CHLSN: variants seen among roughly 807,000 people sequenced by gnomAD.
CHLSN encodes the protein cholesin.
At chr7:1,009,911 C>A in the CHLSN span, 6 of 1,479,168 alleles carry the variant, frequency 4.1e-6, no homozygotes, top group Non-Finnish European at 5.4e-6. Context: ...GGTTGAGACG[C>A]ACGTCCGGGA....
chr7:1,083,353 G>A, the CHLSN span, among the ~76,000 whole-genome samples: 4 of 152,160 alleles, frequency 2.6e-5, no homozygotes, highest in South Asian at 2.1e-4. Context: ...GGCCGGGCGC[G>A]GTGGCTCAAG....
chr7:1,090,114 T>C, the CHLSN span, among the ~76,000 whole-genome samples: 2 of 150,558 alleles, frequency 1.3e-5, no homozygotes, highest in South Asian at 2.1e-4. Context: ...TTTCAAAAGG[T>C]AAAATGAAAA....
the CHLSN span, among the ~76,000 whole-genome samples, chr7:1,001,007 G>A: frequency 5.0e-4 from 76 of 152,318 alleles, no homozygotes; most frequent in African/African-American, 1.8e-3. Flanking sequence ...GCCTGGGGAC[G>A]AGCAGCTCCC....
the CHLSN span, chr7:1,092,188 G>A: frequency 6.2e-6 from 10 of 1,613,086 alleles, no homozygotes; most frequent in Admixed American, 1.2e-4. Flanking sequence ...GATGAGCTTC[G>A]ACCGCTACAT....
the CHLSN span, among the ~76,000 whole-genome samples, chr7:1,106,977 C>A: frequency 6.6e-6 from 1 of 152,192 alleles, no homozygotes; most frequent in African/African-American, 2.4e-5. Flanking sequence ...CCTGCTGGGA[C>A]TGCACCAGGC....
At chr7:1,095,626 C>A in the CHLSN span, among the ~76,000 whole-genome samples, 1 of 152,228 alleles carries the variant, frequency 6.6e-6, no homozygotes, top group Admixed American at 6.5e-5. Flanking sequence ...TGGGGAGACC[C>A]ACACGGAACG....
chr7:1,020,421 G>C, the CHLSN span, among the ~76,000 whole-genome samples: 1 of 152,102 alleles, frequency 6.6e-6, no homozygotes, highest in Non-Finnish European at 1.5e-5. Flanking sequence ...GAGCCCCCTA[G>C]GTTCGCTTCT....
chr7:1,074,976 G>C, the CHLSN span, among the ~76,000 whole-genome samples: 1 of 152,242 alleles, frequency 6.6e-6, no homozygotes, highest in Non-Finnish European at 1.5e-5. Flanking sequence ...TGAGCGGGAG[G>C]ACGTGTGAGC....
At chr7:1,135,192 C>G in the CHLSN span, among the ~76,000 whole-genome samples, 4 of 152,120 alleles carry the variant, frequency 2.6e-5, no homozygotes, top group African/African-American at 4.8e-5. Context: ...GCTCAGCCTC[C>G]TCACTCCCTC....
the CHLSN span, among the ~76,000 whole-genome samples, chr7:1,076,536 C>T: frequency 9.9e-5 from 15 of 152,248 alleles, no homozygotes; most frequent in Non-Finnish European, 1.6e-4. Context: ...TAAAGAGGCC[C>T]GAGAGGGTTC....
chr7:1,024,283 C>T, the CHLSN span, among the ~76,000 whole-genome samples: 12 of 152,308 alleles, frequency 7.9e-5, no homozygotes, highest in East Asian at 1.2e-3. Flanking sequence ...AGCCTCAGCT[C>T]AAGAGGAGCC....
the CHLSN span, among the ~76,000 whole-genome samples, chr7:1,090,674 C>T: frequency 2.6e-5 from 4 of 152,230 alleles, no homozygotes; most frequent in Non-Finnish European, 5.9e-5. Context: ...CCGCCGTGGG[C>T]GGACAGCCCA....
the CHLSN span, among the ~76,000 whole-genome samples, chr7:1,124,614 G>C: frequency 6.7e-6 from 1 of 149,942 alleles, no homozygotes; most frequent in African/African-American, 2.5e-5. Context: ...CCTAATGCTA[G>C]ATGACGAGTT....
chr7:990,498 C>T, the CHLSN span, among the ~76,000 whole-genome samples: 1 of 151,952 alleles, frequency 6.6e-6, no homozygotes, highest in Non-Finnish European at 1.5e-5. Context: ...TAAGCCGTGG[C>T]ACATTCCCAC....
the CHLSN span, among the ~76,000 whole-genome samples, chr7:1,001,615 CGGTGGGGAGTCCTGCG>C: frequency 9.2e-5 from 1 of 10,818 alleles, no homozygotes; most frequent in Non-Finnish European, 1.7e-4. Flanking sequence ...GGGGTCCTGC[CGGTGGGGAGTCCTGCG>C]GGTGGGGAGT....
the CHLSN span, among the ~76,000 whole-genome samples, chr7:987,977 TGG>T: frequency 5.1e-5 from 3 of 59,130 alleles, no homozygotes; most frequent in African/African-American, 3.3e-4. Flanking sequence ...CTGTGTGTCC[TGG>T]GGGGGTCCCC....
At chr7:1,028,376 C>T in the CHLSN span, 21 of 988,192 alleles carry the variant, frequency 2.1e-5, no homozygotes, top group Non-Finnish European at 2.4e-5. Context: ...CTGCGCATGC[C>T]CGGCCGGCCC....
the CHLSN span, among the ~76,000 whole-genome samples, chr7:1,013,533 C>A: frequency 6.6e-6 from 1 of 152,230 alleles, no homozygotes; most frequent in Admixed American, 6.5e-5. Flanking sequence ...CCCCCTGGAG[C>A]CCCTCTAGGC....
At chr7:1,002,118 T>C in the CHLSN span, among the ~76,000 whole-genome samples, 3 of 129,768 alleles carry the variant, frequency 2.3e-5, no homozygotes, top group East Asian at 2.5e-4. Flanking sequence ...GGAAGTCCTG[T>C]GGGTGAGTGG....
Sources: allele counts gnomAD v4.1 joint callset (sites outside exome capture counted in the v4.1 genomes callset), GRCh38; gene constraint gnomAD v4.1.1; transcripts MANE v1.5; gene names NCBI Gene and HGNC (gene_info 2026-07-23, HGNC 2026-07-21).